Variants in CORO2A observed in about 807,000 individuals in gnomAD.
The protein encoded by CORO2A is coronin 2A.
Under a neutral mutation model 62.4 loss-of-function variants are expected in CORO2A, and 47 were observed. The observed-to-expected ratio is 0.75, with a 90% confidence interval of 0.60 to 0.96. The LOEUF (loss-of-function observed/expected upper bound fraction) is 0.96. CORO2A is among the 40% of genes least tolerant of loss of function. The pLI is 0.00. For missense variants in CORO2A, 610 were observed against 684.1 expected (o/e 0.89, Z 1.21); for synonymous variants, 273 against 268.9 (o/e 1.02, Z -0.15).
At chr9:98,185,571 C>T (rs1267130691) in intron 1 of CORO2A, among the ~76,000 whole-genome samples, 2 of 152,228 alleles carry the variant, frequency 1.3e-5, no homozygotes, top group Non-Finnish European at 2.9e-5. Context: ...TCAGGCAGGT[C>T]TACCTGGTCA....
chr9:98,121,570 T>G lies in CORO2A; in HGVS notation c.*3204A>C, dbSNP rs1238283592. 2 of 152,230 alleles carry G rather than the reference T, an allele frequency of 1.3e-5. No homozygotes were observed. Among genetic ancestry groups the G allele is most frequent in the Admixed American group, 1.3e-4 (2 of 15,284 alleles). 9.4% of individuals were successfully genotyped at this position (152,230 alleles called of 1,614,324 possible). ...AGACACCTGTGTCCTGTTTGTTAAG[T>G]GTGCAGTCTGGGTCCCTTGGGGTGG... On this transcript the variant is annotated 3_prime_UTR_variant, in exon 12 of 12. Transcript: ENST00000375077.
chr9:98,139,870 C>T (rs563232090), intron 2 of CORO2A, among the ~76,000 whole-genome samples: 6 of 152,320 alleles, frequency 3.9e-5, no homozygotes, highest in African/African-American at 1.4e-4. Flanking sequence ...GCATTTCCCT[C>T]ATTTTCCCCT....
chr9:98,145,697 A>T (rs982105964), intron 2 of CORO2A, among the ~76,000 whole-genome samples: 5 of 152,104 alleles, frequency 3.3e-5, no homozygotes, highest in Non-Finnish European at 7.4e-5. Context: ...GAGAAGGGTC[A>T]GGTTGGCCTT....
chr9:98,146,797 G>A (rs138942702), intron 2 of CORO2A, among the ~76,000 whole-genome samples: 166 of 152,262 alleles, frequency 1.1e-3, no homozygotes, highest in African/African-American at 2.4e-3. Context: ...GAGCCTCAGC[G>A]ACCTCATCTG....
chr9:98,153,655 C>CACACACACACACACACACACAA (rs1827759072), intron 2 of CORO2A, among the ~76,000 whole-genome samples: 1 of 133,772 alleles, frequency 7.5e-6, no homozygotes, highest in Non-Finnish European at 1.5e-5. Flanking sequence ...TCCAAACACA[C>CACACACACACACACACACACAA]ACACACACAC....
chr9:98,131,192 T>C (rs911389082), intron 6 of CORO2A, 133 bp from the exon 7 acceptor site: 2 of 626,766 alleles, frequency 3.2e-6, no homozygotes, highest in Admixed American at 2.7e-5. Context: ...GTGATTTTTT[T>C]ATATGTGTGT....
At chr9:98,143,031 T>G (rs557953254) in intron 2 of CORO2A, among the ~76,000 whole-genome samples, 1 of 152,352 alleles carries the variant, frequency 6.6e-6, no homozygotes, top group African/African-American at 2.4e-5. Context: ...ATTTCCACCT[T>G]CTGCCCATTA....
In CORO2A at chr9:98,183,833, T is replaced by C. The variant is rs537058446; in HGVS notation, c.-1+8726A>G. 3.3e-5 allele frequency among the ~76,000 whole-genome samples: 5 copies of C among 152,270 alleles called. No homozygotes were observed. The East Asian group carries it at 9.7e-4, about 29-fold the overall frequency. On this transcript the variant is annotated intron_variant, in intron 1 of 11. Coordinates refer to ENST00000375077, the MANE Select transcript of CORO2A (RefSeq NM_052820.4). ...AAAATTAGCTGGGTGTGGTAGTGCA[T>C]GCCTGTGATCCCAGCTACTTGGGAG...
At chr9:98,128,582 C>T (rs771869570) in intron 9 of CORO2A, 25 bp downstream of exon 9, 7 of 1,600,682 alleles carry the variant, frequency 4.4e-6, no homozygotes, top group Middle Eastern at 3.3e-4. Context: ...CCACCTGCCT[C>T]CCATGCGGTC....
At chr9:98,139,621 C>T (rs58097113) in intron 2 of CORO2A, among the ~76,000 whole-genome samples, 10 of 151,462 alleles carry the variant, frequency 6.6e-5, no homozygotes, top group Non-Finnish European at 7.4e-5. Context: ...AGTGAGACTC[C>T]GTCTCAAAAA....
At chr9:98,127,713 C>T (rs1827345864) in intron 10 of CORO2A, among the ~76,000 whole-genome samples, 1 of 145,826 alleles carries the variant, frequency 6.9e-6, no homozygotes, top group Non-Finnish European at 1.5e-5. Flanking sequence ...ACTCAGGAGG[C>T]TGAGGCATGA....
chr9:98,126,629 G>T lies in CORO2A; in HGVS notation c.1366C>A (p.His456Asn). 1 of 1,614,064 alleles carries T rather than the reference G, an allele frequency of 6.2e-7. No homozygotes were observed. Among genetic ancestry groups the T allele is most frequent in the South Asian group, 1.1e-5 (1 of 91,080 alleles). ...EEKMPRWAAE[H>N]RLEEKKTWLT... Reference sequence around the variant, plus strand: ...CAGGTTTTCTTCTCCTCCAGCCTGTGTTCTGCTGCCCACCTTGGCATCTTC... The same window carrying T: ...CAGGTTTTCTTCTCCTCCAGCCTGTTTTCTGCTGCCCACCTTGGCATCTTC... Residue 456 changes from histidine (H) to asparagine (N), a missense_variant, in exon 11 of 12, where the codon CAC (histidine) becomes AAC (asparagine). His to Asn is a moderately conservative substitution (Grantham distance 68, BLOSUM62 1). Transcript: ENST00000375077.
chr9:98,136,922 A>G (rs1827492676), intron 3 of CORO2A, among the ~76,000 whole-genome samples: 2 of 152,198 alleles, frequency 1.3e-5, no homozygotes, highest in Non-Finnish European at 2.9e-5. Context: ...TCCTGGCCTC[A>G]AGTGATTCTC....
intron 1 of CORO2A, among the ~76,000 whole-genome samples, chr9:98,176,428 A>G (rs1828109867): frequency 6.6e-6 from 1 of 152,190 alleles, no homozygotes; most frequent in African/African-American, 2.4e-5. Context: ...TGCTGGGGGA[A>G]GATGTGCTCA....
At chr9:98,147,471 T>A (rs2118848216) in intron 2 of CORO2A, among the ~76,000 whole-genome samples, 1 of 152,346 alleles carries the variant, frequency 6.6e-6, no homozygotes, top group Non-Finnish European at 1.5e-5. Flanking sequence ...TCATATTATT[T>A]TTATCTACTT....
rs563870163 is a variant in CORO2A, at chr9:98,157,719, C to T, written c.1-59G>A. 56 of 1,483,214 alleles carry T rather than the reference C, an allele frequency of 3.8e-5. No homozygotes were observed. In the South Asian group the frequency reaches 6.3e-4, roughly 17 times the overall value. The allele number at this position is 1,483,214 out of a possible 1,614,324, so 91.9% of individuals were successfully genotyped here. On this transcript the variant is annotated intron_variant, in intron 1 of 11. Coordinates refer to ENST00000375077, the MANE Select transcript of CORO2A (RefSeq NM_052820.4). The stretch of plus-strand genomic sequence containing the variant: ...CTCACTGCCCTGATCATGGGACACA[C>T]AGAGCTCTCATCTTAAGAGTACATA...
At chr9:98,182,038 G>A (rs1411001043) in intron 1 of CORO2A, among the ~76,000 whole-genome samples, 3 of 151,968 alleles carry the variant, frequency 2.0e-5, no homozygotes, top group South Asian at 2.1e-4. Context: ...CAGTGACCCC[G>A]GACTCAGCAC....
intron 2 of CORO2A, among the ~76,000 whole-genome samples, chr9:98,153,054 C>G (rs1194554116): frequency 6.6e-6 from 1 of 152,118 alleles, no homozygotes; most frequent in Non-Finnish European, 1.5e-5. Flanking sequence ...AAGATACAGA[C>G]CGAAGTACAG....
intron 2 of CORO2A, chr9:98,157,256 A>G: frequency 1.8e-6 from 1 of 548,928 alleles, no homozygotes; most frequent in Non-Finnish European, 3.2e-6. Flanking sequence ...CGAGTAGCTA[A>G]GCCAACTGCT....
Sources: allele counts gnomAD v4.1 joint callset (sites outside exome capture counted in the v4.1 genomes callset), GRCh38; gene constraint gnomAD v4.1.1; transcripts MANE v1.5; gene names NCBI Gene and HGNC (gene_info 2026-07-23, HGNC 2026-07-21).